The following LRRC4C variants were observed in gnomAD, a reference collection of about 807,000 sequenced individuals.
LRRC4C encodes leucine rich repeat containing 4C.
Under a neutral mutation model 33.6 loss-of-function variants are expected in LRRC4C, and 5 were observed. That is an observed-to-expected ratio of 0.15 (90% CI 0.08 to 0.31). The LOEUF is 0.31. LRRC4C is among the 10% of genes least tolerant of loss of function. The pLI is 1.00. For synonymous variants in LRRC4C, 329 were observed against 302.0 expected (o/e 1.09, Z -0.93); for missense variants, 560 against 796.7 (o/e 0.70, Z 3.58).
At chr11:41,047,167 C>G (rs930374998) in intron 1 of LRRC4C, among the ~76,000 whole-genome samples, 1 of 151,908 alleles carries the variant, frequency 6.6e-6, no homozygotes, top group Non-Finnish European at 1.5e-5. Context: ...TCCTACAACT[C>G]AACAGTAAAA....
intron 1 of LRRC4C, among the ~76,000 whole-genome samples, chr11:41,041,026 C>T (rs947515424): frequency 2.6e-5 from 4 of 152,074 alleles, no homozygotes; most frequent in African/African-American, 9.7e-5. Context: ...AAAAGATTGC[C>T]ATTAAAAGGA....
intron 3 of LRRC4C, among the ~76,000 whole-genome samples, chr11:40,594,301 C>T (rs931563132): frequency 2.0e-5 from 3 of 152,190 alleles, no homozygotes; most frequent in Non-Finnish European, 2.9e-5. Flanking sequence ...TTATATAATC[C>T]TCATTACTTC....
intron 3 of LRRC4C, among the ~76,000 whole-genome samples, chr11:40,423,023 C>T (rs556648750): frequency 6.6e-6 from 1 of 152,160 alleles, no homozygotes; most frequent in African/African-American, 2.4e-5. Context: ...TTTACTATTA[C>T]CTATGTCTAT....
At chr11:40,768,349 G>A (rs1185153772) in intron 2 of LRRC4C, among the ~76,000 whole-genome samples, 4 of 151,980 alleles carry the variant, frequency 2.6e-5, no homozygotes, top group Non-Finnish European at 4.4e-5. Context: ...GAAAAACTTG[G>A]GACCTGGTGG....
chr11:40,353,998 G>A (rs1163628018), intron 3 of LRRC4C, among the ~76,000 whole-genome samples: 5 of 152,090 alleles, frequency 3.3e-5, no homozygotes, highest in African/African-American at 4.8e-5. Flanking sequence ...TCTTAGAAAC[G>A]GTTTCCAAGT....
intron 1 of LRRC4C, among the ~76,000 whole-genome samples, chr11:41,347,654 A>G (rs1951845904): frequency 6.6e-6 from 1 of 152,218 alleles, no homozygotes; most frequent in Non-Finnish European, 1.5e-5. Context: ...TGAGATAAAA[A>G]TATTTTTAAA....
intron 3 of LRRC4C, among the ~76,000 whole-genome samples, chr11:40,383,062 T>C (rs1488574654): frequency 6.6e-6 from 1 of 152,150 alleles, no homozygotes; most frequent in Non-Finnish European, 1.5e-5. Flanking sequence ...ACCGTTCTTT[T>C]CTCTGCTTCT....
At chr11:40,513,356 T>C (rs1337280307) in intron 3 of LRRC4C, among the ~76,000 whole-genome samples, 1 of 151,976 alleles carries the variant, frequency 6.6e-6, no homozygotes, top group Non-Finnish European at 1.5e-5. Flanking sequence ...GAAGCCTTCT[T>C]GGGGAAATGA....
Position 40,514,585 on chromosome 11 carries a change from C to T in LRRC4C, c.-270+133557G>A, listed in dbSNP as rs573081561. ...TTGCTATCATTATCAGAATTATTGACACTCAATAAATTTAATTCGCTTCTT... is the reference window on the plus strand; with the variant it reads ...TTGCTATCATTATCAGAATTATTGATACTCAATAAATTTAATTCGCTTCTT... On this transcript the variant is annotated intron_variant, in intron 3 of 6. Coordinates refer to ENST00000528697, the MANE Select transcript of LRRC4C (RefSeq NM_001258419.2). 2.0e-5 allele frequency among the ~76,000 whole-genome samples: 3 copies of T among 152,100 alleles called. No homozygotes were observed. The South Asian group carries it at 6.2e-4, about 32-fold the overall frequency.
chr11:41,407,301 C>CT (rs552180859), intron 1 of LRRC4C, among the ~76,000 whole-genome samples: 1,774 of 133,286 alleles, frequency 0.013, 25 homozygotes, highest in African/African-American at 0.026. Flanking sequence ...TGAATTTTTC[C>CT]TTTTTTTTTT....
chr11:41,112,462 A>T (rs1208733948), intron 1 of LRRC4C, among the ~76,000 whole-genome samples: 2 of 152,044 alleles, frequency 1.3e-5, no homozygotes, highest in Non-Finnish European at 2.9e-5. Flanking sequence ...AAGGTTACAG[A>T]TCTTTAATCT....
chr11:41,083,975 T>C (rs1939769789), intron 1 of LRRC4C, among the ~76,000 whole-genome samples: 1 of 152,206 alleles, frequency 6.6e-6, no homozygotes, highest in South Asian at 2.1e-4. Context: ...AGAGACGATG[T>C]CTCCTTTGCA....
intron 3 of LRRC4C, among the ~76,000 whole-genome samples, chr11:40,535,448 G>A (rs148758354): frequency 6.6e-6 from 1 of 152,122 alleles, no homozygotes; most frequent in Non-Finnish European, 1.5e-5. Flanking sequence ...TACAAAGAAG[G>A]TTCAACAAAG....
intron 2 of LRRC4C, among the ~76,000 whole-genome samples, chr11:40,665,322 AAAAATATATATATATATATATATATAT>A (rs1230218878): frequency 2.5e-4 from 3 of 12,034 alleles, no homozygotes; most frequent in African/African-American, 5.1e-4. Flanking sequence ...AAAAAAAAAA[AAAAATATATATATATATATATATATAT>A]ATATATATAT....
chr11:40,402,835 A>G (rs1471062550), intron 3 of LRRC4C, among the ~76,000 whole-genome samples: 3 of 152,052 alleles, frequency 2.0e-5, no homozygotes, highest in Non-Finnish European at 4.4e-5. Context: ...TTTACCTATA[A>G]AGAAACAGGC....
intron 2 of LRRC4C, among the ~76,000 whole-genome samples, chr11:40,714,413 T>C (rs955541303): frequency 6.6e-6 from 1 of 152,192 alleles, no homozygotes; most frequent in African/African-American, 2.4e-5. Context: ...ACAGCGTGCC[T>C]TGGACCAAAA....
At chr11:41,071,079 G>C (rs1287352339) in intron 1 of LRRC4C, among the ~76,000 whole-genome samples, 3 of 152,072 alleles carry the variant, frequency 2.0e-5, no homozygotes, top group Non-Finnish European at 4.4e-5. Context: ...CCATAAAAAG[G>C]AATGAGATCA....
intron 2 of LRRC4C, among the ~76,000 whole-genome samples, chr11:40,736,650 C>A (rs1182650925): frequency 2.0e-5 from 3 of 152,174 alleles, no homozygotes; most frequent in Middle Eastern, 3.4e-3. Flanking sequence ...AGCGTTCCTA[C>A]TTCTCCACAT....
At position 41,317,620 on chromosome 11, in the gene LRRC4C, G is replaced by GTAT. The variant is rs1407748841; in HGVS notation, c.-496+141808_-496+141810dup. On this transcript the variant is annotated intron_variant, in intron 1 of 6. Coordinates refer to ENST00000528697, the MANE Select transcript of LRRC4C (RefSeq NM_001258419.2). Reference sequence around the variant, plus strand: ...TAAACTAGTCCATTTATTTTTATTTGTATTATTATTATTATTGTCATCATT... The same window carrying GTAT: ...TAAACTAGTCCATTTATTTTTATTTGTATTATTATTATTATTATTGTCATCATT... Among the ~76,000 whole-genome samples the GTAT allele has an allele frequency of 7.9e-5, 12 of 151,540 alleles. No homozygotes were observed. In the East Asian group the frequency reaches 1.9e-3, roughly 25 times the overall value.
Sources: gnomAD v4.1 joint callset for allele counts (sites outside exome capture counted in the v4.1 genomes callset) on GRCh38, gnomAD v4.1.1 for gene constraint, MANE v1.5 for transcripts, NCBI Gene and HGNC (gene_info 2026-07-23, HGNC 2026-07-21) for gene names.